The following HMX1 variants were observed in gnomAD, a reference collection of about 807,000 sequenced individuals.
The protein encoded by HMX1 is H6 family homeobox 1, also known as homeobox protein HMX1.
A neutral mutation model predicts 8.9 loss-of-function variants in HMX1; 8 were observed. The ratio of observed to expected loss-of-function variants is 0.90; its 90% CI spans 0.53 to 1.63. The LOEUF is 1.63. Ranked by LOEUF, HMX1 falls within the 40% of genes most tolerant of loss-of-function variation. HMX1 has a pLI of 0.00. For missense variants in HMX1, 621 were observed against 558.5 expected (o/e 1.11, Z -1.13); for synonymous variants, 311 against 283.4 (o/e 1.10, Z -0.98).
In HMX1 at chr4:8,848,876, C is replaced by T. The variant is rs991631292; in HGVS notation, c.395-2552G>A. 9.2e-5 allele frequency among the ~76,000 whole-genome samples: 14 copies of T among 152,332 alleles called. No individual in the cohort carries two copies. Among genetic ancestry groups the T allele is most frequent in the Admixed American group, 7.2e-4 (11 of 15,308 alleles). On this transcript the variant is annotated intron_variant, in intron 1 of 1. Coordinates refer to the HMX1 transcript ENST00000506970. The surrounding 1 kb of genome is among the most constrained non-coding windows in gnomAD (Gnocchi z 4.1). ...CCCTGACACTTGGCCATCTGTGCAC[C>T]GTGCTCAAAGCCTCACCTTCCAACT...
At chr4:8,869,458 G>C (rs1722138185) in intron 1 of HMX1, among the ~76,000 whole-genome samples, 1 of 152,224 alleles carries the variant, frequency 6.6e-6, no homozygotes. Flanking sequence ...CTGGCCCTGG[G>C]CCCCTGGAAG....
chr4:8,861,419 A>AC (rs911021175), intron 1 of HMX1, among the ~76,000 whole-genome samples: 3 of 151,796 alleles, frequency 2.0e-5, no homozygotes, highest in African/African-American at 7.3e-5. Flanking sequence ...TGTCTCCCCG[A>AC]CCCCGACTCG....
exon 2 of HMX1, chr4:8,846,241 C>G: frequency 6.5e-7 from 1 of 1,533,914 alleles, no homozygotes; most frequent in Non-Finnish European, 8.7e-7. Context: ...CTCCCACTGT[C>G]ACTTCTGTTC....
At chr4:8,860,767 C>G (rs1378359762) in intron 1 of HMX1, 1 of 152,616 alleles carries the variant, frequency 6.6e-6, no homozygotes, top group Admixed American at 6.5e-5. Flanking sequence ...ATGCCCTGCC[C>G]GCAGCTTGAG....
Position 8,868,215 on chromosome 4 carries a change from G to A in HMX1, c.525C>T (p.Gly175=). The change falls in exon 2 of 2, where the codon GGC becomes GGT. Residue 175 remains glycine (G), a synonymous_variant. Coordinates refer to ENST00000400677, the MANE Select transcript of HMX1 (RefSeq NM_018942.3). The surrounding 1 kb of genome is among the most constrained non-coding windows in gnomAD (Gnocchi z 4.6). ...AELAARGPAA[G]TEEASELAEV... ...CGGCCAGCTCCGACGCCTCCTCCGT[G>A]CCGGCCGCCGGGCCACGCGCCGCCA... The A allele has an allele frequency of 1.4e-6, 2 of 1,448,042 alleles. No individual in the cohort carries two copies. The highest frequency in any genetic ancestry group is 1.8e-6 in the Non-Finnish European group (2 of 1,105,494). 89.7% of individuals were successfully genotyped at this position (1,448,042 alleles called of 1,614,324 possible). A position where few individuals can be genotyped will look rare whatever the true frequency, so the allele number is the denominator to read the frequency against.
At chr4:8,863,485 C>T (rs1721897721), downstream of HMX1, among the ~76,000 whole-genome samples, 1 of 152,244 alleles carries the variant, frequency 6.6e-6, no homozygotes, top group Admixed American at 6.5e-5. Context: ...GGAAACCTCC[C>T]TGCATGCGGA....
chr4:8,857,939 G>A (rs1290762631), intron 1 of HMX1, among the ~76,000 whole-genome samples: 1 of 152,172 alleles, frequency 6.6e-6, no homozygotes, highest in African/African-American at 2.4e-5. Flanking sequence ...AGAGAGTAGG[G>A]CTTCGGGCGC....
chr4:8,867,819 C>T lies in HMX1; in HGVS notation c.921G>A (p.Ala307=). 3.3e-6 allele frequency: 4 copies of T among 1,225,818 alleles called. No homozygotes were observed. The highest frequency in any genetic ancestry group is 4.3e-5 in the Admixed American group (1 of 23,072). The allele number at this position is 1,225,818 out of a possible 1,614,324, so 75.9% of individuals were successfully genotyped here. Residue 307 remains alanine, a synonymous_variant, in exon 2 of 2, where the codon GCG becomes GCA. Coordinates refer to ENST00000400677, the MANE Select transcript of HMX1 (RefSeq NM_018942.3). ...GPPATLPFPL[A]PAAPAPPPPL... ...GTGGGGGCGGCGCGGGCGCGGCGGG[C>T]GCCAGCGGGAAGGGCAGGGTGGCCG... is the stretch of plus-strand genomic sequence containing the variant.
At position 8,848,391 on chromosome 4, in the gene HMX1, C is replaced by A. The variant is rs1220420048; in HGVS notation, c.395-2067G>T. Among the ~76,000 whole-genome samples the A allele has an allele frequency of 6.6e-6, 1 of 152,162 alleles. No homozygotes were observed. Among genetic ancestry groups the A allele is most frequent in the Non-Finnish European group, 1.5e-5 (1 of 68,040 alleles). ...CAGTCATAGCTTCTATTGGACAATG[C>A]CACCTTGAAGCCTATGATATTTTGA... On this transcript the variant is annotated intron_variant, in intron 1 of 1. Transcript: ENST00000506970. The surrounding 1 kb of genome is among the most constrained non-coding windows in gnomAD (Gnocchi z 4.1).
At chr4:8,856,577 G>A (rs1721614353) in intron 1 of HMX1, among the ~76,000 whole-genome samples, 1 of 152,128 alleles carries the variant, frequency 6.6e-6, no homozygotes, top group South Asian at 2.1e-4. Flanking sequence ...TAAAAAAATG[G>A]GGATGCGGGT....
At chr4:8,852,831 T>G (rs921082832) in intron 1 of HMX1, among the ~76,000 whole-genome samples, 4 of 152,200 alleles carry the variant, frequency 2.6e-5, no homozygotes, top group African/African-American at 9.6e-5. Context: ...CAGAAATCAG[T>G]GAAAGAGGCT....
chr4:8,863,664 G>A (rs957420194), downstream of HMX1, among the ~76,000 whole-genome samples: 1 of 152,252 alleles, frequency 6.6e-6, no homozygotes. Flanking sequence ...GGCACTGCCT[G>A]GGTACCTGCC....
chr4:8,846,684 C>T (rs1721286949), intron 1 of HMX1, among the ~76,000 whole-genome samples: 1 of 151,870 alleles, frequency 6.6e-6, no homozygotes, highest in African/African-American at 2.4e-5. Flanking sequence ...CCTGCAAACA[C>T]CCCACACCCC....
At position 8,871,826 on chromosome 4, in the gene HMX1, C is replaced by T. The variant is rs965400042; in HGVS notation, c.-212G>A. On this transcript the variant is annotated 5_prime_UTR_variant, in exon 1 of 2. Coordinates refer to ENST00000400677, the MANE Select transcript of HMX1 (RefSeq NM_018942.3). This position sits in a 1 kb window ranked among gnomAD's most constrained non-coding sequence, Gnocchi z 4.8. ...CGCCGACAGCTGATCGGGCAGCCGCCTGGCTCGCCTTTCAGGTCGCCGTTC... is the reference window on the plus strand; with the variant it reads ...CGCCGACAGCTGATCGGGCAGCCGCTTGGCTCGCCTTTCAGGTCGCCGTTC... 5.9e-6 allele frequency: 3 copies of T among 508,854 alleles called. No homozygotes were observed. Among genetic ancestry groups the T allele is most frequent in the African/African-American group, 4.3e-5 (2 of 46,912 alleles). The allele number at this position is 508,854 out of a possible 1,614,324, so 31.5% of individuals were successfully genotyped here. A position where few individuals can be genotyped will look rare whatever the true frequency, so the allele number is the denominator to read the frequency against.
At position 8,849,912 on chromosome 4, in the gene HMX1, G is replaced by A. The variant is rs969837720; in HGVS notation, c.395-3588C>T. ...CCCTTGCTTCCTGTCAGGGGGGCCC[G>A]ATGGGAGGGACACAGGTGGGCAGGT... On this transcript the variant is annotated intron_variant, in intron 1 of 1. Coordinates refer to the HMX1 transcript ENST00000506970. The surrounding 1 kb of genome is among the most constrained non-coding windows in gnomAD (Gnocchi z 6.6). Among the ~76,000 whole-genome samples the A allele has an allele frequency of 3.9e-5, 6 of 152,186 alleles. No homozygotes were observed. The highest frequency in any genetic ancestry group is 1.9e-4 in the East Asian group (1 of 5,176).
At chr4:8,857,778 G>A (rs1473433452) in intron 1 of HMX1, among the ~76,000 whole-genome samples, 2 of 152,156 alleles carry the variant, frequency 1.3e-5, no homozygotes, top group South Asian at 2.1e-4. Context: ...AGGTCCTTGA[G>A]GATCCCAAAC....
downstream of HMX1, among the ~76,000 whole-genome samples, chr4:8,866,498 G>T (rs1325660908): frequency 6.6e-6 from 1 of 152,232 alleles, no homozygotes; most frequent in Non-Finnish European, 1.5e-5. Flanking sequence ...CAGAATAGGG[G>T]AACGAGCTCT....
chr4:8,860,648 C>A (rs987124336), intron 1 of HMX1: 1 of 152,316 alleles, frequency 6.6e-6, no homozygotes, highest in East Asian at 1.9e-4. Context: ...CGTGTCTCCA[C>A]CTGCGCGCCT....
At chr4:8,858,334 A>C (rs1052522036) in intron 1 of HMX1, among the ~76,000 whole-genome samples, 5 of 152,094 alleles carry the variant, frequency 3.3e-5, no homozygotes, top group African/African-American at 1.2e-4. Flanking sequence ...AGAGATGCCG[A>C]CCGGCAGAGA....
Sources: gnomAD v4.1 joint callset for allele counts (sites outside exome capture counted in the v4.1 genomes callset) on GRCh38, gnomAD v4.1.1 for gene constraint, Gnocchi (gnomAD v3.1) non-coding constraint, MANE v1.5 for transcripts, NCBI Gene and HGNC (gene_info 2026-07-23, HGNC 2026-07-21) for gene names.